The following XIRP2 variants were observed in gnomAD, a reference collection of about 807,000 sequenced individuals.
The protein encoded by XIRP2 is xin actin-binding repeat-containing protein 2.
XIRP2 carries 236 observed loss-of-function variants against 277.0 expected under a neutral mutation model. The ratio of observed to expected loss-of-function variants is 0.85; its 90% CI spans 0.77 to 0.95. The LOEUF (loss-of-function observed/expected upper bound fraction) is 0.95. XIRP2 is among the 40% of genes least tolerant of loss of function. The pLI is 0.00. For synonymous variants in XIRP2, 1,490 were observed against 1,416.5 expected (o/e 1.05, Z -1.17); for missense variants, 4,640 against 4,157.5 (o/e 1.12, Z -3.19).
intron 2 of XIRP2, among the ~76,000 whole-genome samples, chr2:167,011,646 G>T (rs1687682532): frequency 6.6e-6 from 1 of 151,518 alleles, no homozygotes; most frequent in African/African-American, 2.4e-5. Context: ...CAGAAGGAAT[G>T]GTACCAGTTC....
Position 167,241,928 on chromosome 2 carries a change from C to T in XIRP2, c.1176+18C>T, listed in dbSNP as rs1210921177. On this transcript the variant is annotated intron_variant, in intron 8 of 10. Transcript: ENST00000409195. ...AGATTAAGGTAAAGTCATTTCTTTACACAGAAACATACTAAGTGTAAGACC... is the reference window on the plus strand; with the variant it reads ...AGATTAAGGTAAAGTCATTTCTTTATACAGAAACATACTAAGTGTAAGACC... 3.7e-6 allele frequency: 6 copies of T among 1,604,888 alleles called. No individual in the cohort carries two copies. The South Asian group carries it at 6.7e-5, about 18-fold the overall frequency.
At chr2:167,054,890 A>G (rs530652721) in intron 2 of XIRP2, among the ~76,000 whole-genome samples, 2 of 152,326 alleles carry the variant, frequency 1.3e-5, no homozygotes, top group Non-Finnish European at 2.9e-5. Context: ...ATTAAAATAG[A>G]TTATTATGAA....
intron 2 of XIRP2, among the ~76,000 whole-genome samples, chr2:167,072,059 T>C (rs1400981420): frequency 6.6e-6 from 1 of 152,138 alleles, no homozygotes; most frequent in East Asian, 1.9e-4. Context: ...ATAATGATCA[T>C]TTAATACAGC....
chr2:167,249,827 G>A lies in XIRP2; in HGVS notation c.8435G>A (p.Arg2812Lys), dbSNP rs1695413981. ...CAAAGAGAATTTAGCGGATCTGACA[G>A]AGGGAAACTTCCAGGAAGTGAAGAA... Reference protein sequence around the residue: ...RKQREFSGSDRGKLPGSEEKN... With the variant: ...RKQREFSGSDKGKLPGSEEKN... The change falls in exon 9 of 11, where the codon AGA (arginine) becomes AAA (lysine). Residue 2812 changes from arginine (R) to lysine (K), a missense_variant. Arg to Lys is a conservative substitution (Grantham distance 26). Coordinates refer to ENST00000409195, the MANE Select transcript of XIRP2 (RefSeq NM_152381.6). The A allele has an allele frequency of 1.2e-6, 2 of 1,613,532 alleles. No individual in the cohort carries two copies. The highest frequency in any genetic ancestry group is 1.7e-6 in the Non-Finnish European group (2 of 1,179,758).
At chr2:167,020,819 T>C (rs1687962605) in intron 2 of XIRP2, among the ~76,000 whole-genome samples, 1 of 152,106 alleles carries the variant, frequency 6.6e-6, no homozygotes, top group South Asian at 2.1e-4. Context: ...CTTAATGTGA[T>C]CATTCCCTCC....
intron 3 of XIRP2, 116 bp downstream of exon 3, chr2:167,136,178 C>A: frequency 9.6e-7 from 1 of 1,042,596 alleles, no homozygotes; most frequent in South Asian, 2.8e-5. Context: ...ATAATGACTG[C>A]ATATAGTTTA....
chr2:166,898,090 C>A lies in XIRP2; in HGVS notation c.-18-5375C>A, dbSNP rs75722986. Among the ~76,000 whole-genome samples the A allele has an allele frequency of 1.1e-4, 16 of 152,210 alleles. No homozygotes were observed. In the East Asian group the frequency reaches 3.1e-3, roughly 29 times the overall value. On this transcript the variant is annotated intron_variant, in intron 1 of 10. Transcript: ENST00000409195. Reference sequence around the variant, plus strand: ...CCCAGGCTATAAGATCATTCTATGGCTATAGTTGAACAGGCTCCACAGTGT... The same window carrying A: ...CCCAGGCTATAAGATCATTCTATGGATATAGTTGAACAGGCTCCACAGTGT...
intron 2 of XIRP2, among the ~76,000 whole-genome samples, chr2:166,929,990 G>A (rs1325603239): frequency 2.0e-5 from 3 of 151,112 alleles, no homozygotes; most frequent in East Asian, 3.9e-4. Flanking sequence ...GTAATTTAAC[G>A]TTTCTAAATG....
chr2:167,183,250 G>A (rs1693067049), intron 3 of XIRP2, among the ~76,000 whole-genome samples: 1 of 152,158 alleles, frequency 6.6e-6, no homozygotes, highest in Non-Finnish European at 1.5e-5. Flanking sequence ...TGTACTAGAA[G>A]GCAAAAGCAA....
chr2:167,088,868 AC>A (rs1244586544), intron 2 of XIRP2, among the ~76,000 whole-genome samples: 1 of 152,178 alleles, frequency 6.6e-6, no homozygotes, highest in Non-Finnish European at 1.5e-5. Context: ...AAGATAGATC[AC>A]ATTTTCATAG....
chr2:166,969,052 C>T (rs1423461848), intron 2 of XIRP2, among the ~76,000 whole-genome samples: 1 of 152,030 alleles, frequency 6.6e-6, no homozygotes, highest in East Asian at 1.9e-4. Context: ...GCAAATCCCA[C>T]AGCTCTACCT....
chr2:166,893,009 A>ACACACAC, intron 1 of XIRP2, among the ~76,000 whole-genome samples: 1 of 125,812 alleles, frequency 7.9e-6, no homozygotes, highest in South Asian at 2.6e-4. Context: ...CACACACACA[A>ACACACAC]CACCACCAGA....
chr2:166,902,178 A>G (rs777654311), intron 1 of XIRP2, among the ~76,000 whole-genome samples: 1 of 152,174 alleles, frequency 6.6e-6, no homozygotes, highest in Non-Finnish European at 1.5e-5. Flanking sequence ...AAACATTAGT[A>G]CATCATTACA....
intron 2 of XIRP2, among the ~76,000 whole-genome samples, chr2:167,106,265 G>A (rs1358293937): frequency 6.6e-6 from 1 of 151,512 alleles, no homozygotes; most frequent in Non-Finnish European, 1.5e-5. Flanking sequence ...GATTCTGAAG[G>A]ATTCTTATAT....
At chr2:167,063,098 A>C (rs1689212962) in intron 2 of XIRP2, among the ~76,000 whole-genome samples, 1 of 151,822 alleles carries the variant, frequency 6.6e-6, no homozygotes, top group African/African-American at 2.4e-5. Context: ...TTCCCTCTAA[A>C]AACTGCTTTA....
At chr2:166,986,537 G>C (rs1687010778) in intron 2 of XIRP2, among the ~76,000 whole-genome samples, 1 of 152,196 alleles carries the variant, frequency 6.6e-6, no homozygotes, top group South Asian at 2.1e-4. Context: ...CTAGTATAAA[G>C]GGCACCAAAC....
At chr2:167,178,076 T>G (rs2105354605) in intron 3 of XIRP2, among the ~76,000 whole-genome samples, 1 of 151,996 alleles carries the variant, frequency 6.6e-6, no homozygotes, top group East Asian at 1.9e-4. Context: ...GGGTATATAA[T>G]TCTCCCATTT....
chr2:167,001,197 A>G (rs933422811), intron 2 of XIRP2, among the ~76,000 whole-genome samples: 1 of 152,114 alleles, frequency 6.6e-6, no homozygotes, highest in African/African-American at 2.4e-5. Flanking sequence ...TGCCTATTGG[A>G]TAAATAACTC....
At chr2:167,106,188 A>C (rs973141038) in intron 2 of XIRP2, among the ~76,000 whole-genome samples, 1 of 151,842 alleles carries the variant, frequency 6.6e-6, no homozygotes, top group Non-Finnish European at 1.5e-5. Flanking sequence ...TGGAGTCAAA[A>C]GTATCAATGT....
Sources: gnomAD v4.1 joint callset for allele counts (sites outside exome capture counted in the v4.1 genomes callset) on GRCh38, gnomAD v4.1.1 for gene constraint, MANE v1.5 for transcripts, NCBI Gene and HGNC (gene_info 2026-07-23, HGNC 2026-07-21) for gene names.